Variants in NEO1 observed in about 807,000 individuals in gnomAD.
NEO1 encodes the protein neogenin 1.
Under a neutral mutation model 159.7 loss-of-function variants are expected in NEO1, and 63 were observed. That is an observed-to-expected ratio of 0.39 (90% CI 0.32 to 0.49). NEO1 has a LOEUF of 0.49. Ranked by LOEUF, NEO1 falls within the 20% of genes least tolerant of loss-of-function variation. The pLI is 0.85. For synonymous variants in NEO1, 633 were observed against 662.0 expected, an observed-to-expected ratio of 0.96 and a Z score of 0.67; for missense variants, 1,615 against 1,831.0, an observed-to-expected ratio of 0.88 and a Z score of 2.15.
At chr15:73,107,769 GA>G (rs1245426083) in intron 1 of NEO1, among the ~76,000 whole-genome samples, 1 of 152,160 alleles carries the variant, frequency 6.6e-6, no homozygotes, top group Non-Finnish European at 1.5e-5. Context: ...AAGTGGAACT[GA>G]AAAATACTCA....
At chr15:73,223,969 T>A (rs1264300943) in intron 7 of NEO1, among the ~76,000 whole-genome samples, 1 of 152,262 alleles carries the variant, frequency 6.6e-6, no homozygotes, top group Admixed American at 6.5e-5. Context: ...AGAGCTCCTT[T>A]TAGCGGTCTC....
intron 7 of NEO1, among the ~76,000 whole-genome samples, chr15:73,192,728 A>G (rs1313047193): frequency 1.3e-5 from 2 of 152,014 alleles, no homozygotes; most frequent in South Asian, 2.1e-4. Flanking sequence ...AAAAGTATGT[A>G]TACTCTGATT....
chr15:73,263,661 A>T (rs1317710742), intron 15 of NEO1, among the ~76,000 whole-genome samples: 2 of 152,206 alleles, frequency 1.3e-5, no homozygotes, highest in African/African-American at 2.4e-5. Flanking sequence ...ATTTTCATTC[A>T]GATCGTTTCT....
At chr15:73,244,525 C>T (rs747203647) in intron 9 of NEO1, 27 bp downstream of exon 9, 3 of 1,609,434 alleles carry the variant, frequency 1.9e-6, no homozygotes, top group Non-Finnish European at 1.7e-6. Context: ...TCTGTCAGCA[C>T]CCCCTAGAGG....
intron 26 of NEO1, among the ~76,000 whole-genome samples, chr15:73,294,721 G>A (rs2042289434): frequency 6.6e-6 from 1 of 151,962 alleles, no homozygotes; most frequent in Non-Finnish European, 1.5e-5. Context: ...TGTATTCTTA[G>A]TAGAGACAGG....
chr15:73,116,167 T>A (rs1421994869), intron 1 of NEO1, among the ~76,000 whole-genome samples: 1 of 152,180 alleles, frequency 6.6e-6, no homozygotes, highest in African/African-American at 2.4e-5. Context: ...CTCTTAAGAA[T>A]CATTTTAATT....
chr15:73,208,812 T>G (rs2037385333), intron 7 of NEO1, among the ~76,000 whole-genome samples: 1 of 152,118 alleles, frequency 6.6e-6, no homozygotes, highest in Non-Finnish European at 1.5e-5. Context: ...CAGTGAGCTG[T>G]GATTGCACCA....
intron 7 of NEO1, 118 bp downstream of exon 7, chr15:73,178,545 TAAGAGA>T (rs1250519373): frequency 9.3e-7 from 1 of 1,077,862 alleles, no homozygotes; most frequent in Non-Finnish European, 1.3e-6. Context: ...GTGGCATAGC[TAAGAGA>T]AAAAGAATAG....
At chr15:73,057,115 A>G (rs1390191206) in intron 1 of NEO1, among the ~76,000 whole-genome samples, 1 of 152,200 alleles carries the variant, frequency 6.6e-6, no homozygotes, top group African/African-American at 2.4e-5. Context: ...TTACCTACCT[A>G]ACTGGATTGT....
chr15:73,252,605 A>G (rs1031925974), intron 11 of NEO1, among the ~76,000 whole-genome samples: 3 of 152,222 alleles, frequency 2.0e-5, no homozygotes, highest in African/African-American at 7.2e-5. Context: ...TGTACATCTC[A>G]TTTTGATCCA....
chr15:73,260,215 T>G (rs1004378812), intron 14 of NEO1, 56 bp from the exon 15 acceptor site: 2 of 1,514,682 alleles, frequency 1.3e-6, no homozygotes, highest in African/African-American at 2.7e-5. Flanking sequence ...CCAAGGATGG[T>G]GAGATATTTT....
intron 7 of NEO1, among the ~76,000 whole-genome samples, chr15:73,226,483 G>C (rs889263130): frequency 1.3e-5 from 2 of 152,172 alleles, no homozygotes; most frequent in African/African-American, 4.8e-5. Flanking sequence ...AATGAGAAAT[G>C]CTAGGTTAAC....
intron 5 of NEO1, among the ~76,000 whole-genome samples, chr15:73,139,596 G>T (rs949518468): frequency 6.6e-6 from 1 of 152,164 alleles, no homozygotes; most frequent in African/African-American, 2.4e-5. Context: ...ATCTAGACCC[G>T]GGGTTGGCAG....
intron 2 of NEO1, among the ~76,000 whole-genome samples, 180 bp from the exon 3 acceptor site, chr15:73,122,345 T>G (rs1268144957): frequency 2.0e-5 from 3 of 152,034 alleles, no homozygotes; most frequent in African/African-American, 7.2e-5. Flanking sequence ...CAGTTATCCT[T>G]AATGCATTTA....
At position 73,301,436 on chromosome 15, in the gene NEO1, G is replaced by T; in HGVS notation, c.4281G>T (p.Arg1427Ser). 1 of 1,614,174 alleles carries T rather than the reference G, an allele frequency of 6.2e-7. No homozygotes were observed. The highest frequency in any genetic ancestry group is 8.5e-7 in the Non-Finnish European group (1 of 1,180,042). ...PSAPEVQETT[R>S]MLEDSESSYE... ...CCCCTGAAGTGCAGGAGACCACAAG[G>T]ATGTTGGAAGACTCCGAGAGTGTAA... Residue 1427 changes from arginine (R) to serine (S), a missense_variant, in exon 28 of 29, where the codon AGG becomes AGT. Arg to Ser is a moderately radical substitution (Grantham distance 110). Transcript: ENST00000261908.
chr15:73,118,081 T>A (rs2071423870), intron 2 of NEO1, among the ~76,000 whole-genome samples: 1 of 152,144 alleles, frequency 6.6e-6, no homozygotes, highest in Non-Finnish European at 1.5e-5. Context: ...AAATATCTCT[T>A]ATCTGGGCTT....
At position 73,288,570 on chromosome 15, in the gene NEO1, G is replaced by T. The variant is rs896270601; in HGVS notation, c.3649+19G>T. The T allele has an allele frequency of 5.0e-6, 8 of 1,587,144 alleles. No homozygotes were observed. In the South Asian group the frequency reaches 7.9e-5, roughly 16 times the overall value. On this transcript the variant is annotated intron_variant, in intron 24 of 28. Transcript: ENST00000261908. ...TACAGAGGTACCATTTTAAGTGCAG[G>T]TTTTTTCTCAAATGTTAGGAAACTA...
intron 7 of NEO1, among the ~76,000 whole-genome samples, chr15:73,211,737 G>A (rs2037586143): frequency 6.7e-6 from 1 of 150,152 alleles, no homozygotes; most frequent in Admixed American, 6.8e-5. Flanking sequence ...AATAAAAGTA[G>A]GTGGAATTTG....
intron 15 of NEO1, among the ~76,000 whole-genome samples, chr15:73,264,502 G>A (rs2040792043): frequency 1.3e-5 from 2 of 152,200 alleles, no homozygotes; most frequent in South Asian, 2.1e-4. Flanking sequence ...AAGAGAGTAA[G>A]CAGATAGAAT....
Sources: allele counts gnomAD v4.1 joint callset (sites outside exome capture counted in the v4.1 genomes callset), GRCh38; gene constraint gnomAD v4.1.1; transcripts MANE v1.5; gene names NCBI Gene and HGNC (gene_info 2026-07-23, HGNC 2026-07-21).